PPP1CC: variants seen among roughly 807,000 people sequenced by gnomAD.
PPP1CC encodes protein phosphatase 1 catalytic subunit gamma, also known as serine/threonine-protein phosphatase PP1-gamma catalytic subunit.
A neutral mutation model predicts 38.4 loss-of-function variants in PPP1CC; 16 were observed. That is an observed-to-expected ratio of 0.42 (90% CI 0.28 to 0.63). The LOEUF (loss-of-function observed/expected upper bound fraction) is 0.63, where lower values mean the gene tolerates loss of function less well. PPP1CC is among the 30% of genes least tolerant of loss of function. The pLI is 0.25. For missense variants in PPP1CC, 170 were observed against 391.3 expected (o/e 0.43, Z 4.77); for synonymous variants, 158 against 136.0 (o/e 1.16, Z -1.13).
chr12:110,736,720 T>C (rs1024802754), intron 1 of PPP1CC, among the ~76,000 whole-genome samples: 1 of 152,200 alleles, frequency 6.6e-6, no homozygotes, highest in African/African-American at 2.4e-5. Flanking sequence ...TACTAACTTT[T>C]GAAAGTTAGC....
chr12:110,730,944 T>G (rs769518857), intron 2 of PPP1CC, among the ~76,000 whole-genome samples, 185 bp from the exon 3 acceptor site: 8 of 152,210 alleles, frequency 5.3e-5, no homozygotes, highest in Non-Finnish European at 1.0e-4. Context: ...TCAACTGAGC[T>G]TAACAAAAAT....
At chr12:110,737,134 A>G (rs756131421) in intron 1 of PPP1CC, among the ~76,000 whole-genome samples, 2 of 152,224 alleles carry the variant, frequency 1.3e-5, no homozygotes, top group Non-Finnish European at 2.9e-5. Context: ...GCATTCCCAT[A>G]AACGACTGAG....
downstream of PPP1CC, among the ~76,000 whole-genome samples, chr12:110,718,808 A>G (rs1445908801): frequency 2.6e-5 from 4 of 152,160 alleles, no homozygotes; most frequent in African/African-American, 4.8e-5. Context: ...TATCACACAC[A>G]TCTCAAGTTC....
At chr12:110,728,049 T>C (rs976261029) in intron 3 of PPP1CC, among the ~76,000 whole-genome samples, 1 of 152,238 alleles carries the variant, frequency 6.6e-6, no homozygotes, top group African/African-American at 2.4e-5. Context: ...TTTGAATTCA[T>C]CAGTGCAAAC....
chr12:110,727,019 C>G (rs1285494643), intron 3 of PPP1CC, among the ~76,000 whole-genome samples: 1 of 152,198 alleles, frequency 6.6e-6, no homozygotes, highest in Non-Finnish European at 1.5e-5. Flanking sequence ...CTCACTGCAA[C>G]CATGGTCTCC....
downstream of PPP1CC, among the ~76,000 whole-genome samples, chr12:110,716,918 C>A (rs926248740): frequency 6.6e-6 from 1 of 152,206 alleles, no homozygotes; most frequent in African/African-American, 2.4e-5. Context: ...TGCAAGTACT[C>A]AATTCTATTT....
chr12:110,718,550 G>C (rs1023992089), downstream of PPP1CC, among the ~76,000 whole-genome samples: 6 of 152,096 alleles, frequency 3.9e-5, no homozygotes, highest in Non-Finnish European at 8.8e-5. Flanking sequence ...CAAAGCAAAG[G>C]CAAGTGACAC....
At position 110,721,009 on chromosome 12, in the gene PPP1CC, C is replaced by T. The variant is rs1166525395; in HGVS notation, c.*67G>A. 6 of 1,412,068 alleles carry T rather than the reference C, an allele frequency of 4.2e-6. No individual in the cohort carries two copies. The African/African-American group carries it at 7.1e-5, about 17-fold the overall frequency. 87.5% of individuals were successfully genotyped at this position (1,412,068 alleles called of 1,614,324 possible). A position where few individuals can be genotyped will look rare whatever the true frequency, so the allele number is the denominator to read the frequency against. ...TGAGCAAGCTGACCAGTACACATTA[C>T]AGTCTTAAAAATGAAGGTTATATAC... On this transcript the variant is annotated 3_prime_UTR_variant, in exon 7 of 7. Transcript: ENST00000335007.
At chr12:110,717,462 C>T (rs529007733), downstream of PPP1CC, among the ~76,000 whole-genome samples, 64 of 152,220 alleles carry the variant, frequency 4.2e-4, no homozygotes, top group Non-Finnish European at 7.5e-4. Flanking sequence ...GGCGTGATCT[C>T]GGCTCACTGC....
At chr12:110,741,903 T>G (rs2070020854) in intron 1 of PPP1CC, among the ~76,000 whole-genome samples, 1 of 152,226 alleles carries the variant, frequency 6.6e-6, no homozygotes, top group Non-Finnish European at 1.5e-5. Context: ...GAAGCGTCAG[T>G]TATGATTACA....
downstream of PPP1CC, among the ~76,000 whole-genome samples, chr12:110,716,983 C>G (rs17682482): frequency 0.083 from 12,604 of 152,270 alleles, 572 homozygotes; most frequent in Middle Eastern, 0.11. Context: ...CTGAAGCTCA[C>G]ACGTTGGCAA....
At chr12:110,737,198 C>T (rs1431068676) in intron 1 of PPP1CC, among the ~76,000 whole-genome samples, 1 of 152,152 alleles carries the variant, frequency 6.6e-6, no homozygotes, top group Non-Finnish European at 1.5e-5. Flanking sequence ...ATCCTTTGGG[C>T]CGGATGCGGT....
chr12:110,724,540 C>T, intron 4 of PPP1CC, 120 bp downstream of exon 4: 1 of 642,894 alleles, frequency 1.6e-6, no homozygotes, highest in East Asian at 2.7e-5. Flanking sequence ...CAATGCAACA[C>T]ATCAACAAAG....
chr12:110,729,355 T>C (rs1415024268), intron 3 of PPP1CC, among the ~76,000 whole-genome samples: 2 of 152,122 alleles, frequency 1.3e-5, no homozygotes, highest in Non-Finnish European at 2.9e-5. Flanking sequence ...CCACCACGCC[T>C]GGCTAATTTT....
Position 110,731,531 on chromosome 12 carries a change from C to A in PPP1CC, c.187+239G>T, listed in dbSNP as rs1393196351. Among the ~76,000 whole-genome samples, 2 of 151,894 alleles carry A rather than the reference C, an allele frequency of 1.3e-5. 1 individual carries two copies. Among genetic ancestry groups the A allele is most frequent in the Non-Finnish European group, 2.9e-5 (2 of 67,970 alleles). The stretch of plus-strand genomic sequence containing the variant: ...TCTCCATTCTTAGTTTCATTTTTTT[C>A]TTTTGCAATGTTTATTCCTTCAGCA... On this transcript the variant is annotated intron_variant, in intron 2 of 6. Coordinates refer to ENST00000335007, the MANE Select transcript of PPP1CC (RefSeq NM_002710.4).
At chr12:110,716,384 G>A (rs188634205), downstream of PPP1CC, among the ~76,000 whole-genome samples, 2 of 148,576 alleles carry the variant, frequency 1.3e-5, no homozygotes, top group Admixed American at 6.7e-5. Context: ...ATAGAGTCTC[G>A]CTCTGTTGCC....
At chr12:110,724,806 A>G (rs1164488327) in intron 3 of PPP1CC, 42 bp from the exon 4 acceptor site, 1 of 1,216,958 alleles carries the variant, frequency 8.2e-7, no homozygotes, top group Non-Finnish European at 1.2e-6. Context: ...AGAGAGTATT[A>G]CTGTTCCGTA....
chr12:110,742,841 G>T lies in PPP1CC; in HGVS notation c.-134C>A, dbSNP rs558898007. ...AGCAGCCGCGGCGGGTCCCCCCCCT[G>T]CCACCCCGCTCCCTACTTCCTCCTT... On this transcript the variant is annotated 5_prime_UTR_variant, in exon 1 of 7. Coordinates refer to ENST00000335007, the MANE Select transcript of PPP1CC (RefSeq NM_002710.4). The T allele has an allele frequency of 3.6e-4, 203 of 562,362 alleles. No homozygotes were observed. The highest frequency in any genetic ancestry group is 2.3e-3 in the Middle Eastern group (7 of 3,046). 34.8% of individuals were successfully genotyped at this position (562,362 alleles called of 1,614,324 possible).
downstream of PPP1CC, among the ~76,000 whole-genome samples, chr12:110,717,062 CCATTGGTCTAAATCTTAGGGCTATT>C (rs2069693119): frequency 6.6e-6 from 1 of 152,180 alleles, no homozygotes; most frequent in Non-Finnish European, 1.5e-5. Flanking sequence ...CTGTGTGTTG[CCATTGGTCTAAATCTTAGGGCTATT>C]CATTGGTCTT....
Sources: allele counts gnomAD v4.1 joint callset (sites outside exome capture counted in the v4.1 genomes callset), GRCh38; gene constraint gnomAD v4.1.1; transcripts MANE v1.5; gene names NCBI Gene and HGNC (gene_info 2026-07-23, HGNC 2026-07-21).